The following MMP28 variants were observed in gnomAD, a reference collection of about 807,000 sequenced individuals.
MMP28 encodes matrix metallopeptidase 28, also known as matrix metalloproteinase-28.
Under a neutral mutation model 60.5 loss-of-function variants are expected in MMP28, and 55 were observed. That is an observed-to-expected ratio of 0.91 (90% CI 0.73 to 1.14). MMP28 has a LOEUF of 1.14. Among genes scored for constraint, MMP28 ranks in the 50% most tolerant of loss-of-function variants. The pLI, the probability that MMP28 is intolerant of heterozygous loss-of-function variation, is 0.00. For missense variants in MMP28, 686 were observed against 738.3 expected, an observed-to-expected ratio of 0.93 and a Z score of 0.82; for synonymous variants, 318 against 312.5, an observed-to-expected ratio of 1.02 and a Z score of -0.18.
Position 35,766,961 on chromosome 17 carries a change from T to C in MMP28, c.1169-67A>G. The C allele has an allele frequency of 7.1e-7, 1 of 1,415,372 alleles. No individual in the cohort carries two copies. The highest frequency in any genetic ancestry group is 2.5e-5 in the East Asian group (1 of 40,344). The allele number at this position is 1,415,372 out of a possible 1,614,324, so 87.7% of individuals were successfully genotyped here. On this transcript the variant is annotated intron_variant, in intron 7 of 7. Transcript: ENST00000605424. The surrounding 1 kb of genome is among the most constrained non-coding windows in gnomAD (Gnocchi z 4.3). ...ACCCATTGGCCCTCTACCCCACTTC[T>C]GTCCCCCATACCTCTGCTCTCCTTT...
At chr17:35,756,746 G>A (rs1446735061) in intron 2 of MMP28, among the ~76,000 whole-genome samples, 1 of 151,918 alleles carries the variant, frequency 6.6e-6, no homozygotes, top group Non-Finnish European at 1.5e-5. Context: ...GGGATTACAG[G>A]CGTGAGCCAC....
At chr17:35,793,918 T>A (rs2086887941) in intron 1 of MMP28, among the ~76,000 whole-genome samples, 1 of 152,006 alleles carries the variant, frequency 6.6e-6, no homozygotes, top group Non-Finnish European at 1.5e-5. Context: ...GCCAATATGG[T>A]GAAACCCCGT....
At chr17:35,794,556 T>C (rs1325636793) in intron 1 of MMP28, among the ~76,000 whole-genome samples, 1 of 152,078 alleles carries the variant, frequency 6.6e-6, no homozygotes, top group Non-Finnish European at 1.5e-5. Context: ...TACACTTTTA[T>C]CTAGAAAATA....
At chr17:35,782,255 C>T (rs1555609581) in intron 1 of MMP28, among the ~76,000 whole-genome samples, 1 of 152,082 alleles carries the variant, frequency 6.6e-6, no homozygotes, top group East Asian at 1.9e-4. Flanking sequence ...CGGGGTTTCA[C>T]CATGTTAGCC....
downstream of MMP28, chr17:35,761,074 A>G (rs1454349864): frequency 2.7e-6 from 3 of 1,097,452 alleles, no homozygotes; most frequent in Admixed American, 9.4e-5. Flanking sequence ...ATGTAGCTGC[A>G]AGCCCTCTCC....
chr17:35,764,636 C>T (rs1316258775), downstream of MMP28: 1 of 1,553,552 alleles, frequency 6.4e-7, no homozygotes, highest in South Asian at 1.2e-5. Context: ...CGCTCCCAGC[C>T]TTTGTGCCCT....
intron 2 of MMP28, among the ~76,000 whole-genome samples, chr17:35,760,265 A>G (rs1179477255): frequency 6.6e-6 from 1 of 152,156 alleles, no homozygotes; most frequent in Non-Finnish European, 1.5e-5. Context: ...CTCCACTTCG[A>G]GTCCAGGAAA....
chr17:35,790,125 T>A (rs9907320), intron 1 of MMP28, among the ~76,000 whole-genome samples: 23,212 of 124,084 alleles, frequency 0.19, 3,316 homozygotes, highest in African/African-American at 0.42. Flanking sequence ...GAAGTGCAAC[T>A]GCGTGATCTC....
chr17:35,788,059 T>TCC (rs2143574923), intron 1 of MMP28, among the ~76,000 whole-genome samples: 1 of 151,980 alleles, frequency 6.6e-6, no homozygotes, highest in East Asian at 1.9e-4. Context: ...GCATGTGCCA[T>TCC]CGTGCCTGGC....
chr17:35,793,646 C>T (rs988279417), intron 1 of MMP28, among the ~76,000 whole-genome samples: 1 of 152,140 alleles, frequency 6.6e-6, no homozygotes, highest in Non-Finnish European at 1.5e-5. Context: ...AGAGGGCCCT[C>T]TTCATTCTGC....
chr17:35,767,942 T>TG, intron 6 of MMP28, 23 bp from the exon 7 acceptor site: 1 of 1,545,634 alleles, frequency 6.5e-7, no homozygotes, highest in South Asian at 1.3e-5. Flanking sequence ...AAGAGAGAGT[T>TG]GAGGAGTGAC....
chr17:35,764,634 G>C (rs782680432), downstream of MMP28: 1 of 1,555,810 alleles, frequency 6.4e-7, no homozygotes, highest in South Asian at 1.2e-5. Context: ...CCCGCTCCCA[G>C]CCTTTGTGCC....
At position 35,756,352 on chromosome 17, in the gene MMP28, G is replaced by C. The variant is rs1368336187; in HGVS notation, c.*63C>G. 9 of 980,202 alleles carry C rather than the reference G, an allele frequency of 9.2e-6. No individual in the cohort carries two copies. In the African/African-American group the frequency reaches 1.6e-4, roughly 17 times the overall value. The allele number at this position is 980,202 out of a possible 1,614,324, so 60.7% of individuals were successfully genotyped here. A position where few individuals can be genotyped will look rare whatever the true frequency, so the allele number is the denominator to read the frequency against. ...TCTCCAGGCACTCGGTTCCTTTCTT[G>C]TTGCTTCTTTAGGCCGTTGTTGTTA... On this transcript the variant is annotated 3_prime_UTR_variant, in exon 3 of 3. Coordinates refer to the MMP28 transcript ENST00000615317.
At chr17:35,774,006 C>T (rs1458364841) in intron 3 of MMP28, among the ~76,000 whole-genome samples, 1 of 152,222 alleles carries the variant, frequency 6.6e-6, no homozygotes, top group African/African-American at 2.4e-5. Flanking sequence ...TTCTTTCCTG[C>T]CCCTCTCCTC....
chr17:35,768,195 G>A, intron 6 of MMP28, 35 bp downstream of exon 6: 1 of 1,566,014 alleles, frequency 6.4e-7, no homozygotes, highest in Non-Finnish European at 8.7e-7. Flanking sequence ...TATGGAAGGA[G>A]AGAAAGAAGC....
At chr17:35,765,835 G>A (rs1298504472), downstream of MMP28, 1 of 985,164 alleles carries the variant, frequency 1.0e-6, no homozygotes, top group African/African-American at 1.7e-5. Context: ...TCACAGCAAA[G>A]GATGGAAGAA....
At chr17:35,758,086 T>C (rs2085760442) in intron 2 of MMP28, 1 of 152,232 alleles carries the variant, frequency 6.6e-6, no homozygotes, top group African/African-American at 2.4e-5. Flanking sequence ...ATGAAAAAAT[T>C]GTAGCTTTAC....
chr17:35,772,909 G>A (rs969680842), intron 4 of MMP28, among the ~76,000 whole-genome samples: 6 of 152,158 alleles, frequency 3.9e-5, no homozygotes, highest in Admixed American at 3.9e-4. Context: ...ATGGAACCTC[G>A]GGAGATTCTC....
chr17:35,770,000 C>G (rs890804127), intron 5 of MMP28, 67 bp downstream of exon 5: 1 of 1,471,694 alleles, frequency 6.8e-7, no homozygotes, highest in African/African-American at 1.4e-5. Flanking sequence ...GCAGAGCCGG[C>G]GTTCAAGGAC....
Sources: gnomAD v4.1 joint callset for allele counts (sites outside exome capture counted in the v4.1 genomes callset) on GRCh38, gnomAD v4.1.1 for gene constraint, Gnocchi (gnomAD v3.1) non-coding constraint, MANE v1.5 for transcripts, NCBI Gene and HGNC (gene_info 2026-07-23, HGNC 2026-07-21) for gene names.